The following INTS1 variants were observed in gnomAD, a reference collection of about 807,000 sequenced individuals.
The protein encoded by INTS1 is integrator complex subunit 1.
INTS1 carries 137 observed loss-of-function variants against 241.6 expected under a neutral mutation model. The observed-to-expected ratio is 0.57, with a 90% CI of 0.49 to 0.65. INTS1 has a LOEUF of 0.65. INTS1 is among the 30% of genes least tolerant of loss of function. The pLI, the probability that INTS1 is intolerant of heterozygous loss-of-function variation, is 0.00. For synonymous variants in INTS1, 1,692 were observed against 1,337.8 expected, an observed-to-expected ratio of 1.26 and a Z score of -5.78; for missense variants, 3,073 against 3,032.2, an observed-to-expected ratio of 1.01 and a Z score of -0.32.
Position 1,485,429 on chromosome 7 carries a change from C to T in INTS1, c.3017G>A (p.Gly1006Glu), listed in dbSNP as rs762025795. ...LVLSEGSLRD[G>E]EEKEPPMEED... ...CTCCATGGGGGGCTCCTTCTCCTCC[C>T]CGTCCCGCAGGCTGCCCTCCGAAAG... Residue 1006 changes from glycine (G) to glutamate (E), a missense_variant, in exon 23 of 48, where the codon GGG (glycine) becomes GAG (glutamate). Physicochemically the swap from Gly to Glu is moderately conservative, Grantham distance 98. Transcript: ENST00000404767. 1 of 1,612,824 alleles carries T rather than the reference C, an allele frequency of 6.2e-7. No individual in the cohort carries two copies. Among genetic ancestry groups the T allele is most frequent in the East Asian group, 2.2e-5 (1 of 44,880 alleles).
intron 2 of INTS1, 30 bp downstream of exon 2, chr7:1,503,873 C>CCAAAGACCCA (rs1427349477): frequency 6.5e-7 from 1 of 1,540,286 alleles, no homozygotes; most frequent in East Asian, 2.5e-5. Flanking sequence ...CCAAAGACCC[C>CCAAAGACCCA]CGGGCTGCAG....
chr7:1,482,460 G>A, intron 27 of INTS1, 86 bp downstream of exon 27: 1 of 1,382,184 alleles, frequency 7.2e-7, no homozygotes, highest in Non-Finnish European at 9.8e-7. Context: ...GCCACAGCCG[G>A]AGGCTGCCCA....
chr7:1,475,304 G>A (rs1309113812), intron 39 of INTS1, among the ~76,000 whole-genome samples: 1 of 152,126 alleles, frequency 6.6e-6, no homozygotes, highest in Non-Finnish European at 1.5e-5. Flanking sequence ...AGGCTCACTT[G>A]AGCACAGGGG....
chr7:1,484,130 G>T lies in INTS1; in HGVS notation c.3302C>A (p.Ser1101Tyr), dbSNP rs763012122. 6.2e-7 allele frequency: 1 copy of T among 1,612,204 alleles called. No individual in the cohort carries two copies. Among genetic ancestry groups the T allele is most frequent in the Non-Finnish European group, 8.5e-7 (1 of 1,179,748 alleles). The change falls in exon 25 of 48, where the codon TCC becomes TAC. Residue 1101 changes from serine to tyrosine, a missense_variant. Coordinates refer to ENST00000404767, the MANE Select transcript of INTS1 (RefSeq NM_001080453.3). ...RLVVERSTIM[S>Y]HLFSKLSPSA... is the part of the protein sequence containing the mutation. ...CGGGGAGAGCTTCGAGAAGAGGTGG[G>T]ACATGATGGTGGAGCGCTCCACGAC...
In INTS1 at chr7:1,495,328, G is replaced by C. The variant is rs967234435; in HGVS notation, c.1832+105C>G. 4.2e-5 allele frequency: 57 copies of C among 1,372,874 alleles called. No individual in the cohort carries two copies. The East Asian group carries it at 1.3e-3, about 32-fold the overall frequency. The allele number at this position is 1,372,874 out of a possible 1,614,324, so 85.0% of individuals were successfully genotyped here. A position where few individuals can be genotyped will look rare whatever the true frequency, so the allele number is the denominator to read the frequency against. Reference sequence around the variant, plus strand: ...TGGGGCAGGGGCTGTGCGGGGCCTGGCTTGTCCTGGCTCAGTGGGGTTTGG... The same window carrying C: ...TGGGGCAGGGGCTGTGCGGGGCCTGCCTTGTCCTGGCTCAGTGGGGTTTGG... On this transcript the variant is annotated intron_variant, in intron 13 of 47. Coordinates refer to ENST00000404767, the MANE Select transcript of INTS1 (RefSeq NM_001080453.3).
At position 1,476,495 on chromosome 7, in the gene INTS1, C is replaced by G. The variant is rs762675830; in HGVS notation, c.5152-40G>C. On this transcript the variant is annotated intron_variant, in intron 37 of 47. Coordinates refer to ENST00000404767, the MANE Select transcript of INTS1 (RefSeq NM_001080453.3). Reference sequence around the variant, plus strand: ...TGCATCAGCCCCGGAGCACCACCGCCTCTCCCGGATGGGCCACCCCCTCTC... The same window carrying G: ...TGCATCAGCCCCGGAGCACCACCGCGTCTCCCGGATGGGCCACCCCCTCTC... 3 of 1,597,728 alleles carry G rather than the reference C, an allele frequency of 1.9e-6. No individual in the cohort carries two copies. The African/African-American group carries it at 4.1e-5, about 22-fold the overall frequency.
Position 1,482,661 on chromosome 7 carries a change from C to T in INTS1, c.3588G>A (p.Glu1196=). ...GGAAGGCGGTGGGCAGTGGCTTCTC[C>T]TCCGGAAACCAGATGTCCAGCAGCG... ...FQALLDIWFP[E]EKPLPTAFLV... Residue 1196 remains glutamate, a synonymous_variant, in exon 27 of 48, where the codon GAG becomes GAA. Coordinates refer to ENST00000404767, the MANE Select transcript of INTS1 (RefSeq NM_001080453.3). 1 of 1,612,782 alleles carries T rather than the reference C, an allele frequency of 6.2e-7. No homozygotes were observed. Among genetic ancestry groups the T allele is most frequent in the East Asian group, 2.2e-5 (1 of 44,878 alleles).
rs768019339 is a variant in INTS1, at chr7:1,473,620, G to A, written c.5903C>T (p.Thr1968Ile). 2.8e-5 allele frequency: 45 copies of A among 1,612,774 alleles called. No homozygotes were observed. The highest frequency in any genetic ancestry group is 4.0e-5 in the African/African-American group (3 of 74,920). Residue 1968 changes from threonine (T) to isoleucine (I), a missense_variant, in exon 42 of 48, where the codon ACC becomes ATC. Coordinates refer to ENST00000404767, the MANE Select transcript of INTS1 (RefSeq NM_001080453.3). ...KFVQFIHKYI[T>I]YNAPAAISFL... Reference sequence around the variant, plus strand: ...GGAGATGGCTGCTGGGGCATTGTAGGTAATGTACTTATGGATGAACTGCAC... The same window carrying A: ...GGAGATGGCTGCTGGGGCATTGTAGATAATGTACTTATGGATGAACTGCAC...
Position 1,503,197 on chromosome 7 carries a change from G to A in INTS1, c.59-6C>T. 1 of 1,520,430 alleles carries A rather than the reference G, an allele frequency of 6.6e-7. No homozygotes were observed. The highest frequency in any genetic ancestry group is 8.8e-7 in the Non-Finnish European group (1 of 1,135,122). The allele number at this position is 1,520,430 out of a possible 1,614,324, so 94.2% of individuals were successfully genotyped here. A position where few individuals can be genotyped will look rare whatever the true frequency, so the allele number is the denominator to read the frequency against. ...GTCTCCTGGGGGAGGGTGCCCTGCA[G>A]AGAAAGGAGAGAGAAAACCGGGCAC... is the stretch of plus-strand genomic sequence containing the variant. On this transcript the variant is annotated splice_region_variant and splice_polypyrimidine_tract_variant and intron_variant, in intron 2 of 47. Transcript: ENST00000404767.
At chr7:1,478,129 G>A (rs1019178213) in intron 33 of INTS1, among the ~76,000 whole-genome samples, 193 bp from the exon 34 acceptor site, 11 of 152,046 alleles carry the variant, frequency 7.2e-5, no homozygotes, top group African/African-American at 1.9e-4. Flanking sequence ...GAGTGCGGCC[G>A]GGGCCGGGGC....
At chr7:1,478,078 G>C (rs1197037246) in intron 33 of INTS1, 142 bp from the exon 34 acceptor site, 1 of 762,810 alleles carries the variant, frequency 1.3e-6, no homozygotes, top group Non-Finnish European at 2.2e-6. Context: ...AGAGAGGAGA[G>C]TGCAGCCGGG....
At chr7:1,474,471 A>ACC (rs1554273824) in intron 40 of INTS1, 111 bp from the exon 41 acceptor site, 2 of 1,225,256 alleles carry the variant, frequency 1.6e-6, no homozygotes, top group Non-Finnish European at 2.2e-6. Context: ...GCTGCCCCCC[A>ACC]ACCACCCTCC....
intron 1 of INTS1, 90 bp downstream of exon 1, chr7:1,504,233 G>A (rs970387811): frequency 9.0e-6 from 5 of 553,840 alleles, no homozygotes; most frequent in African/African-American, 2.0e-5. Context: ...GGCAGAACCA[G>A]AAGGGACGGC....
chr7:1,471,650 G>T lies in INTS1; in HGVS notation c.6185-9C>A. The T allele has an allele frequency of 6.2e-7, 1 of 1,604,282 alleles. No individual in the cohort carries two copies. Among genetic ancestry groups the T allele is most frequent in the South Asian group, 1.1e-5 (1 of 91,070 alleles). On this transcript the variant is annotated splice_polypyrimidine_tract_variant and intron_variant, in intron 44 of 47. Coordinates refer to ENST00000404767, the MANE Select transcript of INTS1 (RefSeq NM_001080453.3). ...CAGAACCTCCAGCAGATCTGACACA[G>T]AGAGAGGGCCAGACCAGAACTGAAG...
In INTS1 at chr7:1,503,047, G is replaced by A; in HGVS notation, c.203C>T (p.Ala68Val). Residue 68 changes from alanine (A) to valine (V), a missense_variant, in exon 3 of 48, where the codon GCC becomes GTC. Ala to Val is a moderately conservative substitution (Grantham distance 64). Transcript: ENST00000404767. ...KRDAAAALSSASALTGLTKRP... is the reference protein window; with the variant it reads ...KRDAAAALSSVSALTGLTKRP... Reference sequence around the variant, plus strand: ...TTTGGTGAGACCGGTGAGGGCCGAGGCACTGGACAACGCGGCCGCCGCATC... The same window carrying A: ...TTTGGTGAGACCGGTGAGGGCCGAGACACTGGACAACGCGGCCGCCGCATC... 1 of 1,613,642 alleles carries A rather than the reference G, an allele frequency of 6.2e-7. No individual in the cohort carries two copies. The highest frequency in any genetic ancestry group is 8.5e-7 in the Non-Finnish European group (1 of 1,179,836).
intron 27 of INTS1, 121 bp downstream of exon 27, chr7:1,482,425 G>A (rs1562496051): frequency 2.1e-6 from 2 of 966,496 alleles, no homozygotes; most frequent in African/African-American, 1.7e-5. Context: ...GATCCCCTGA[G>A]GCTACCCGGC....
rs1479129485 is a variant in INTS1, at chr7:1,480,333, G to A, written c.4058C>T (p.Ala1353Val). ...CAACGCTACCTGGAGGAACATGCCA[G>A]CCAGGTCGTCCTCAGGGCCCAGCAC... Reference protein sequence around the residue: ...LRVLGPEDDLAGMFLQIFPLS... With the variant: ...LRVLGPEDDLVGMFLQIFPLS... The change falls in exon 30 of 48, where the codon GCT becomes GTT. Residue 1353 changes from alanine (A) to valine (V), a missense_variant. Physicochemically the swap from Ala to Val is moderately conservative, Grantham distance 64. Transcript: ENST00000404767. The A allele has an allele frequency of 4.4e-6, 7 of 1,608,920 alleles. No homozygotes were observed. The highest frequency in any genetic ancestry group is 5.9e-6 in the Non-Finnish European group (7 of 1,178,236).
rs1206787457 is a variant in INTS1 at position 1,494,678 on chromosome 7, T to C, written c.1910+138A>G. The C allele has an allele frequency of 1.2e-5, 10 of 807,496 alleles. No homozygotes were observed. The East Asian group carries it at 2.7e-4, about 22-fold the overall frequency. 50.0% of individuals were successfully genotyped at this position (807,496 alleles called of 1,614,324 possible). ...GGGAGAAGGGTGGCACCCAGGATTGTGGAGGAGGAGCAGGATGGTGCTGTG... is the reference window on the plus strand; with the variant it reads ...GGGAGAAGGGTGGCACCCAGGATTGCGGAGGAGGAGCAGGATGGTGCTGTG... On this transcript the variant is annotated intron_variant, in intron 14 of 47. Coordinates refer to ENST00000404767, the MANE Select transcript of INTS1 (RefSeq NM_001080453.3).
intron 16 of INTS1, among the ~76,000 whole-genome samples, 181 bp from the exon 17 acceptor site, chr7:1,489,863 G>A (rs537172766): frequency 4.6e-4 from 70 of 152,268 alleles, no homozygotes; most frequent in African/African-American, 1.6e-3. Flanking sequence ...CCCTGTCCAG[G>A]CCCGACTCCG....
Sources: allele counts gnomAD v4.1 joint callset (sites outside exome capture counted in the v4.1 genomes callset), GRCh38; gene constraint gnomAD v4.1.1; transcripts MANE v1.5; gene names NCBI Gene and HGNC (gene_info 2026-07-23, HGNC 2026-07-21).